The following CPXM2 variants were observed in gnomAD, a reference collection of about 807,000 sequenced individuals.
CPXM2 encodes carboxypeptidase X, M14 family member 2.
CPXM2 carries 66 observed loss-of-function variants against 86.1 expected under a neutral mutation model. That is an observed-to-expected ratio of 0.77 (90% confidence interval 0.63 to 0.94). The LOEUF is 0.94. Among genes scored for constraint, CPXM2 ranks in the 40% least tolerant of loss-of-function variants. The probability of loss-of-function intolerance (pLI) is 0.00; values close to 1 mark genes in which losing one functional copy is unlikely to be tolerated. For missense variants in CPXM2, 948 were observed against 1,026.3 expected (o/e 0.92, Z 1.04); for synonymous variants, 388 against 400.2 (o/e 0.97, Z 0.36).
upstream of CPXM2, among the ~76,000 whole-genome samples, chr10:123,892,702 ACTGGTTT>A (rs1013491552): frequency 3.3e-5 from 5 of 152,184 alleles, no homozygotes; most frequent in African/African-American, 1.2e-4. Context: ...GGTCAGCAGG[ACTGGTTT>A]CTTAGGGGAG....
At chr10:123,858,708 T>C (rs1196254614) in intron 3 of CPXM2, among the ~76,000 whole-genome samples, 1 of 152,214 alleles carries the variant, frequency 6.6e-6, no homozygotes, top group Non-Finnish European at 1.5e-5. Context: ...CAATAATGCT[T>C]GGAGCTGATT....
chr10:123,881,245 T>TCCCCTC (rs1945086621), intron 1 of CPXM2, among the ~76,000 whole-genome samples: 2 of 51,580 alleles, frequency 3.9e-5, no homozygotes, highest in African/African-American at 1.4e-4. Flanking sequence ...TCCCTTCCCT[T>TCCCCTC]CCCTTCCCTT....
chr10:123,748,497 C>T (rs1291395079), intron 13 of CPXM2, among the ~76,000 whole-genome samples: 1 of 152,186 alleles, frequency 6.6e-6, no homozygotes, highest in Non-Finnish European at 1.5e-5. Flanking sequence ...GTGCAATACA[C>T]TGAGCTCACA....
At chr10:123,867,141 T>C (rs1229104660) in intron 2 of CPXM2, among the ~76,000 whole-genome samples, 1 of 152,200 alleles carries the variant, frequency 6.6e-6, no homozygotes, top group African/African-American at 2.4e-5. Context: ...AAAAAGAAGT[T>C]TAAGCATAAA....
Position 123,768,555 on chromosome 10 carries a change from G to A in CPXM2, c.1270C>T (p.Pro424Ser), listed in dbSNP as rs1564759063. Reference sequence around the variant, plus strand: ...TCGTAGGCCTTCTCGTAGCCATCGGGGTTGAGGGAGGGGAGGACGTGAATC... The same window carrying A: ...TCGTAGGCCTTCTCGTAGCCATCGGAGTTGAGGGAGGGGAGGACGTGAATC... ...TRIHVLPSLN[P>S]DGYEKAYEGG... Residue 424 changes from proline (P) to serine (S), a missense_variant, in exon 9 of 14, where the codon CCC becomes TCC. Coordinates refer to ENST00000241305, the MANE Select transcript of CPXM2 (RefSeq NM_198148.3). 3 of 1,613,874 alleles carry A rather than the reference G, an allele frequency of 1.9e-6. No homozygotes were observed. Among genetic ancestry groups the A allele is most frequent in the East Asian group, 2.2e-5 (1 of 44,872 alleles).
intron 2 of CPXM2, among the ~76,000 whole-genome samples, chr10:123,907,919 G>A (rs750768249): frequency 6.6e-6 from 1 of 152,114 alleles, no homozygotes; most frequent in South Asian, 2.1e-4. Context: ...AAGGAAGAGA[G>A]GGGAAGCAGG....
intron 2 of CPXM2, among the ~76,000 whole-genome samples, chr10:123,928,769 A>C (rs1945643878): frequency 1.3e-5 from 2 of 152,208 alleles, no homozygotes; most frequent in Non-Finnish European, 2.9e-5. Context: ...ACTCCATCCC[A>C]CAGCCATTTA....
At chr10:123,794,733 C>CCGTGTGTGTGTG (rs1847287357) in intron 6 of CPXM2, among the ~76,000 whole-genome samples, 1 of 116,010 alleles carries the variant, frequency 8.6e-6, no homozygotes, top group East Asian at 2.3e-4. Flanking sequence ...TTATTTAAGA[C>CCGTGTGTGTGTG]CGTGTGTGTG....
In CPXM2 at chr10:123,873,856, C is replaced by CTT. The variant is rs56223052; in HGVS notation, c.403+6353_403+6354dup. 2.7e-3 allele frequency among the ~76,000 whole-genome samples: 279 copies of CTT among 105,272 alleles called. 1 individual carries two copies. Among genetic ancestry groups the CTT allele is most frequent in the African/African-American group, 6.4e-3 (165 of 25,722 alleles). 69.1% of individuals were successfully genotyped at this position (105,272 alleles called of 152,430 possible). On this transcript the variant is annotated intron_variant, in intron 2 of 13. Transcript: ENST00000241305. The stretch of plus-strand genomic sequence containing the variant: ...CAACAGAAATTTATTTCTCACATTT[C>CTT]TTTTTTTTTTTTTTTTTTTTTGAGA...
chr10:123,768,627 ACTC>A lies in CPXM2; in HGVS notation c.1195_1197del (p.Glu399del). 1 of 1,613,628 alleles carries A rather than the reference ACTC, an allele frequency of 6.2e-7. No individual in the cohort carries two copies. The highest frequency in any genetic ancestry group is 8.5e-7 in the Non-Finnish European group (1 of 1,179,924). ...ACGATGCGCGCATTCCGGGCCAAGT[ACTC>A]CTGACACACGAACTGCACCAGCAGC... On this transcript the variant is annotated inframe_deletion, in exon 9 of 14. Coordinates refer to ENST00000241305, the MANE Select transcript of CPXM2 (RefSeq NM_198148.3).
chr10:123,887,117 T>G (rs1945189682), intron 1 of CPXM2: 2 of 152,198 alleles, frequency 1.3e-5, no homozygotes, highest in African/African-American at 4.8e-5. Context: ...CGTTGTCAAG[T>G]TCATATGAGG....
chr10:123,873,923 G>A (rs949275007), intron 2 of CPXM2, among the ~76,000 whole-genome samples: 14 of 142,404 alleles, frequency 9.8e-5, no homozygotes, highest in Admixed American at 3.7e-4. Flanking sequence ...ACAGTGGCAC[G>A]ATCTTGGCTC....
chr10:123,860,902 T>G (rs188236877), intron 3 of CPXM2, among the ~76,000 whole-genome samples: 2 of 152,212 alleles, frequency 1.3e-5, no homozygotes, highest in Non-Finnish European at 2.9e-5. Context: ...CGGATCTCCT[T>G]AAAGTTAGTT....
intron 2 of CPXM2, among the ~76,000 whole-genome samples, chr10:123,869,897 GAC>G (rs1944863547): frequency 6.6e-6 from 1 of 152,088 alleles, no homozygotes; most frequent in Non-Finnish European, 1.5e-5. Context: ...GAAATTCCAG[GAC>G]ACAGTCAGAA....
chr10:123,847,125 G>A (rs1034880632), intron 3 of CPXM2, among the ~76,000 whole-genome samples: 3 of 152,200 alleles, frequency 2.0e-5, no homozygotes, highest in African/African-American at 7.2e-5. Context: ...AGAGAGGAAA[G>A]GGGTGATAAA....
At chr10:123,878,505 ACGTGTGTGTG>A (rs906469359) in intron 2 of CPXM2, among the ~76,000 whole-genome samples, 3 of 88,454 alleles carry the variant, frequency 3.4e-5, no homozygotes, top group African/African-American at 1.6e-4. Context: ...GCAAATTCAG[ACGTGTGTGTG>A]TGTGTGTGTG....
At chr10:123,833,511 T>C (rs746383727) in intron 4 of CPXM2, among the ~76,000 whole-genome samples, 4 of 152,076 alleles carry the variant, frequency 2.6e-5, no homozygotes, top group Non-Finnish European at 5.9e-5. Flanking sequence ...TGCTCAGAGG[T>C]AAGATGAGGC....
At chr10:123,825,622 T>C (rs1335136585) in intron 4 of CPXM2, among the ~76,000 whole-genome samples, 1 of 152,238 alleles carries the variant, frequency 6.6e-6, no homozygotes, top group Non-Finnish European at 1.5e-5. Context: ...CCACTGATGA[T>C]GCCCATCTGT....
intron 2 of CPXM2, among the ~76,000 whole-genome samples, chr10:123,915,056 C>A (rs754019969): frequency 3.3e-5 from 5 of 152,220 alleles, no homozygotes; most frequent in African/African-American, 1.2e-4. Flanking sequence ...TCCCCTCCCG[C>A]GGCTCCTCTG....
Sources: allele counts gnomAD v4.1 joint callset (sites outside exome capture counted in the v4.1 genomes callset), GRCh38; gene constraint gnomAD v4.1.1; transcripts MANE v1.5; gene names NCBI Gene and HGNC (gene_info 2026-07-23, HGNC 2026-07-21).